Variants in PRKG1 observed in about 807,000 individuals in gnomAD.
PRKG1 encodes cGMP-dependent protein kinase 1.
In PRKG1, 35 loss-of-function variants were observed where a neutral mutation model predicts 88.1. That is an observed-to-expected ratio of 0.40 (90% CI 0.30 to 0.53). PRKG1 has a LOEUF of 0.53. Among genes scored for constraint, PRKG1 ranks in the 20% least tolerant of loss-of-function variants. The pLI is 0.59. For synonymous variants in PRKG1, 303 were observed against 292.5 expected, an observed-to-expected ratio of 1.04 and a Z score of -0.37; for missense variants, 540 against 839.8, an observed-to-expected ratio of 0.64 and a Z score of 4.41.
intron 9 of PRKG1, among the ~76,000 whole-genome samples, chr10:52,199,999 T>G (rs2132772515): frequency 6.6e-6 from 1 of 152,338 alleles, no homozygotes; most frequent in Non-Finnish European, 1.5e-5. Context: ...TTTCATTTAA[T>G]CCCTTGAGTT....
chr10:51,686,590 C>T (rs1003587164), intron 3 of PRKG1, among the ~76,000 whole-genome samples: 1 of 152,146 alleles, frequency 6.6e-6, no homozygotes, highest in Non-Finnish European at 1.5e-5. Flanking sequence ...TCCTATAAGC[C>T]ATCTTCCTTC....
chr10:52,067,235 A>G (rs1309372538), intron 7 of PRKG1, among the ~76,000 whole-genome samples: 4 of 152,226 alleles, frequency 2.6e-5, no homozygotes, highest in Admixed American at 6.5e-5. Flanking sequence ...TAGAGCCAGC[A>G]TTCTCTGTAT....
intron 9 of PRKG1, among the ~76,000 whole-genome samples, chr10:52,233,286 G>GAA (rs141832713): frequency 1.3e-5 from 2 of 151,816 alleles, no homozygotes; most frequent in South Asian, 2.1e-4. Flanking sequence ...AGTCAAATAT[G>GAA]AAAAAAAATC....
chr10:51,284,845 T>C (rs916644768), intron 2 of PRKG1, among the ~76,000 whole-genome samples: 2 of 144,690 alleles, frequency 1.4e-5, no homozygotes, highest in African/African-American at 5.0e-5. Context: ...GTTCTGGGTG[T>C]GGCTCCAGTG....
At chr10:52,099,126 A>G (rs1847239693) in intron 7 of PRKG1, among the ~76,000 whole-genome samples, 1 of 152,202 alleles carries the variant, frequency 6.6e-6, no homozygotes, top group African/African-American at 2.4e-5. Flanking sequence ...GCTTCTGTAC[A>G]GATAATTATG....
At chr10:51,076,736 A>G (rs546744028) in intron 1 of PRKG1, among the ~76,000 whole-genome samples, 3 of 152,350 alleles carry the variant, frequency 2.0e-5, no homozygotes, top group Middle Eastern at 3.4e-3. Context: ...CTAGATTGAA[A>G]AACAAACAAA....
chr10:51,391,878 A>G (rs1407797971), intron 2 of PRKG1, among the ~76,000 whole-genome samples: 2 of 152,242 alleles, frequency 1.3e-5, no homozygotes, highest in Non-Finnish European at 2.9e-5. Context: ...TGTGAACTCT[A>G]TCTGGATAAA....
At chr10:51,543,414 G>A (rs1051928073) in intron 3 of PRKG1, among the ~76,000 whole-genome samples, 1 of 152,164 alleles carries the variant, frequency 6.6e-6, no homozygotes, top group African/African-American at 2.4e-5. Flanking sequence ...AACAGTGTGA[G>A]GGTGATGTTT....
intron 5 of PRKG1, among the ~76,000 whole-genome samples, chr10:51,950,317 A>T (rs151000805): frequency 6.6e-6 from 1 of 152,248 alleles, no homozygotes; most frequent in Non-Finnish European, 1.5e-5. Flanking sequence ...TATAAACTAG[A>T]GAAAAAACAA....
At chr10:51,544,714 C>G (rs1842403081) in intron 3 of PRKG1, among the ~76,000 whole-genome samples, 1 of 152,074 alleles carries the variant, frequency 6.6e-6, no homozygotes, top group South Asian at 2.1e-4. Context: ...CTCTCCAGCA[C>G]CTGTTGTTTC....
At chr10:51,123,859 C>T (rs1341613344) in intron 1 of PRKG1, among the ~76,000 whole-genome samples, 1 of 152,038 alleles carries the variant, frequency 6.6e-6, no homozygotes, top group East Asian at 1.9e-4. Context: ...TGGAGGCAGG[C>T]ACTTCACGTG....
chr10:52,217,114 G>A (rs1270538384), intron 9 of PRKG1, among the ~76,000 whole-genome samples: 1 of 152,132 alleles, frequency 6.6e-6, no homozygotes, highest in African/African-American at 2.4e-5. Context: ...GGGTGGTTAA[G>A]TAGGCCCTGT....
chr10:51,677,207 A>T (rs992783122), intron 3 of PRKG1, among the ~76,000 whole-genome samples: 46 of 152,114 alleles, frequency 3.0e-4, no homozygotes, highest in African/African-American at 1.0e-3. Flanking sequence ...ATGTGATTGT[A>T]TTTCTTTCAT....
At chr10:51,051,782 T>G (rs142938930) in intron 1 of PRKG1, among the ~76,000 whole-genome samples, 1 of 152,158 alleles carries the variant, frequency 6.6e-6, no homozygotes, top group Non-Finnish European at 1.5e-5. Context: ...ACATCTTAGA[T>G]GAAGAACAAA....
intron 2 of PRKG1, among the ~76,000 whole-genome samples, chr10:51,435,173 G>A (rs758121420): frequency 6.6e-6 from 1 of 152,026 alleles, no homozygotes; most frequent in South Asian, 2.1e-4. Context: ...ATCCTATTAA[G>A]TTGCACAGTG....
At chr10:51,865,165 C>A (rs191429461) in intron 4 of PRKG1, among the ~76,000 whole-genome samples, 1 of 151,962 alleles carries the variant, frequency 6.6e-6, no homozygotes, top group African/African-American at 2.4e-5. Context: ...ATTAAAGATG[C>A]GTATAGTGAA....
chr10:51,674,629 T>A (rs1840665814), intron 3 of PRKG1, among the ~76,000 whole-genome samples: 1 of 152,202 alleles, frequency 6.6e-6, no homozygotes, highest in Admixed American at 6.5e-5. Context: ...TCAAAACTGC[T>A]CAACAGTGTG....
At chr10:51,195,393 A>T (rs1052922694) in intron 2 of PRKG1, among the ~76,000 whole-genome samples, 1 of 152,186 alleles carries the variant, frequency 6.6e-6, no homozygotes, top group African/African-American at 2.4e-5. Context: ...TTTGCTGTTT[A>T]AAATAATCAA....
intron 3 of PRKG1, among the ~76,000 whole-genome samples, chr10:51,603,443 T>C (rs1323132543): frequency 6.6e-6 from 1 of 152,178 alleles, no homozygotes; most frequent in Non-Finnish European, 1.5e-5. Flanking sequence ...AGAAGGAATG[T>C]AGGTGAAGAG....
Sources: gnomAD v4.1 joint callset for allele counts (sites outside exome capture counted in the v4.1 genomes callset) on GRCh38, gnomAD v4.1.1 for gene constraint, MANE v1.5 for transcripts, NCBI Gene and HGNC (gene_info 2026-07-23, HGNC 2026-07-21) for gene names.